Variants in DHRSX observed in about 807,000 individuals in gnomAD.
The protein encoded by DHRSX is dehydrogenase/reductase X-linked, also known as polyprenol dehydrogenase.
DHRSX carries 31 observed loss-of-function variants against 34.0 expected under a neutral mutation model. The observed-to-expected ratio is 0.91, with a 90% CI of 0.69 to 1.23. DHRSX has a LOEUF of 1.23. Ranked by LOEUF, DHRSX falls within the 50% of genes most tolerant of loss-of-function variation. The pLI is 0.00. For missense variants in DHRSX, 414 were observed against 428.1 expected (o/e 0.97, Z 0.29); for synonymous variants, 201 against 183.8 (o/e 1.09, Z -0.76).
At chrX:2,335,375 C>T (rs1317642747) in intron 3 of DHRSX, among the ~76,000 whole-genome samples, 8 of 151,694 alleles carry the variant, frequency 5.3e-5, no homozygotes, top group African/African-American at 1.2e-4. Context: ...AACACGGGGA[C>T]GACTCGAAGT....
intron 3 of DHRSX, among the ~76,000 whole-genome samples, chrX:2,349,882 CA>C (rs755526493): frequency 0.092 from 12,689 of 137,878 alleles, 1,034 homozygotes; most frequent in Non-Finnish European, 0.14. Context: ...ACTAAAAATA[CA>C]AAAAAATTAG....
intron 6 of DHRSX, among the ~76,000 whole-genome samples, chrX:2,225,136 TCATTCACATGTACACA>T (rs2015621389): frequency 1.5e-5 from 2 of 136,946 alleles, no homozygotes; most frequent in East Asian, 2.2e-4. Context: ...TCACATGCAC[TCATTCACATGTACACA>T]CATTCACATG....
intron 3 of DHRSX, among the ~76,000 whole-genome samples, chrX:2,367,995 C>A (rs2043014056): frequency 6.6e-6 from 1 of 151,988 alleles, no homozygotes; most frequent in African/African-American, 2.4e-5. Flanking sequence ...GTAATCCCAG[C>A]ACTTTGGGAG....
intron 6 of DHRSX, among the ~76,000 whole-genome samples, chrX:2,225,688 G>A (rs2015642771): frequency 6.6e-6 from 1 of 150,876 alleles, no homozygotes; most frequent in Admixed American, 6.6e-5. Flanking sequence ...CATGTCATAA[G>A]AAAAGGAGAT....
chrX:2,251,454 C>T (rs1359274014), intron 5 of DHRSX, among the ~76,000 whole-genome samples: 1 of 152,192 alleles, frequency 6.6e-6, no homozygotes, highest in Admixed American at 6.5e-5. Context: ...TTACTTCCTC[C>T]TTCCTTTGTT....
intron 3 of DHRSX, among the ~76,000 whole-genome samples, chrX:2,382,036 A>C (rs1174199126): frequency 6.6e-6 from 1 of 152,192 alleles, no homozygotes; most frequent in Admixed American, 6.5e-5. Context: ...CTTCTCCTGC[A>C]TAGTGCAAAA....
At position 2,310,929 on chromosome X, in the gene DHRSX, C is replaced by T. The variant is rs767039628; in HGVS notation, c.287-19326G>A. Among the ~76,000 whole-genome samples, 12 of 151,902 alleles carry T rather than the reference C, an allele frequency of 7.9e-5. No individual in the cohort carries two copies. The East Asian group carries it at 1.7e-3, about 22-fold the overall frequency. ...TATAAAAACTAGCTGAGCGTGGTGG[C>T]GGGCACCTGTAATCCCAGCTACTCG... is the stretch of plus-strand genomic sequence containing the variant. On this transcript the variant is annotated intron_variant, in intron 3 of 6. Transcript: ENST00000334651.
At chrX:2,382,984 T>TCAG (rs374983795) in intron 3 of DHRSX, among the ~76,000 whole-genome samples, 44,187 of 147,872 alleles carry the variant, frequency 0.3, 6,938 homozygotes, top group Non-Finnish European at 0.37. Flanking sequence ...ATCACCATCA[T>TCAG]CAGCAGCATC....
rs1274659200 is a variant in DHRSX at position 2,260,679 on chromosome X, T to G, written c.596+6061A>C. Among the ~76,000 whole-genome samples, 3 of 151,998 alleles carry G rather than the reference T, an allele frequency of 2.0e-5. No homozygotes were observed. The South Asian group carries it at 6.2e-4, about 32-fold the overall frequency. The stretch of plus-strand genomic sequence containing the variant: ...TTTCATCATATTGGTCAGGCTGGTC[T>G]TGAACTCCTGACCTCAGGTGATCTG... On this transcript the variant is annotated intron_variant, in intron 5 of 6. Coordinates refer to ENST00000334651, the MANE Select transcript of DHRSX (RefSeq NM_145177.3).
intron 1 of DHRSX, among the ~76,000 whole-genome samples, chrX:2,493,637 T>G (rs966907515): frequency 6.6e-6 from 1 of 151,698 alleles, no homozygotes; most frequent in African/African-American, 2.4e-5. Flanking sequence ...GTTGTTATTA[T>G]TATTAGGCTG....
At chrX:2,314,235 GAGGGA>G in intron 3 of DHRSX, among the ~76,000 whole-genome samples, 1 of 23,950 alleles carries the variant, frequency 4.2e-5, no homozygotes, top group Non-Finnish European at 9.7e-5. Flanking sequence ...GGAAGGGAGG[GAGGGA>G]AGGAAGGGAG....
rs183913845 is a variant in DHRSX, at chrX:2,423,286, G to A, written c.217+1911C>T. Among the ~76,000 whole-genome samples the A allele has an allele frequency of 1.8e-3, 273 of 152,096 alleles. 2 individuals are homozygous for A. The highest frequency in any genetic ancestry group is 6.4e-3 in the African/African-American group (264 of 41,512). ...AAATTAGCAGGGCATGGTGGCGGGCGCCTGTAATCCCAGCTACTCTGGAGG... is the reference window on the plus strand; with the variant it reads ...AAATTAGCAGGGCATGGTGGCGGGCACCTGTAATCCCAGCTACTCTGGAGG... On this transcript the variant is annotated intron_variant, in intron 2 of 6. Coordinates refer to ENST00000334651, the MANE Select transcript of DHRSX (RefSeq NM_145177.3).
chrX:2,357,539 A>C (rs112420710), intron 3 of DHRSX, among the ~76,000 whole-genome samples: 1,765 of 152,150 alleles, frequency 0.012, 38 homozygotes, highest in African/African-American at 0.039. Context: ...CTGCCAATGG[A>C]AAAGCAAATC....
intron 4 of DHRSX, among the ~76,000 whole-genome samples, chrX:2,277,158 GAAA>G (rs1426087843): frequency 2.1e-4 from 1 of 4,776 alleles, no homozygotes; most frequent in Non-Finnish European, 7.5e-4. Flanking sequence ...GGAAATAGGG[GAAA>G]GAGAGAAAGA....
intron 3 of DHRSX, among the ~76,000 whole-genome samples, chrX:2,360,451 T>C (rs746409069): frequency 2.3e-4 from 35 of 151,988 alleles, no homozygotes; most frequent in East Asian, 5.8e-4. Flanking sequence ...GGTGTGGTGG[T>C]GCGTGCCTGT....
intron 5 of DHRSX, among the ~76,000 whole-genome samples, chrX:2,260,943 C>T (rs2041355645): frequency 6.6e-6 from 1 of 152,060 alleles, no homozygotes; most frequent in African/African-American, 2.4e-5. Context: ...GGTGTGGTGG[C>T]TCATGCCTGT....
At chrX:2,266,529 G>A (rs1225945103) in intron 5 of DHRSX, among the ~76,000 whole-genome samples, 1 of 146,292 alleles carries the variant, frequency 6.8e-6, no homozygotes, top group African/African-American at 2.5e-5. Flanking sequence ...CTCGGCAGAT[G>A]CAGGGAGCAC....
At chrX:2,424,258 T>C (rs1052685305) in intron 2 of DHRSX, among the ~76,000 whole-genome samples, 2 of 151,284 alleles carry the variant, frequency 1.3e-5, no homozygotes, top group African/African-American at 4.9e-5. Flanking sequence ...TCCAGGACTG[T>C]GGGAAACTCA....
chrX:2,479,373 A>G (rs1428296394), intron 1 of DHRSX, among the ~76,000 whole-genome samples: 1 of 150,902 alleles, frequency 6.6e-6, no homozygotes, highest in Non-Finnish European at 1.5e-5. Flanking sequence ...TACACACTGA[A>G]GACATTCCCT....
Sources: gnomAD v4.1 joint callset for allele counts (sites outside exome capture counted in the v4.1 genomes callset) on GRCh38, gnomAD v4.1.1 for gene constraint, MANE v1.5 for transcripts, NCBI Gene and HGNC (gene_info 2026-07-23, HGNC 2026-07-21) for gene names.